The following RASEF variants were observed in gnomAD, a reference collection of about 807,000 sequenced individuals.
RASEF encodes ras and EF-hand domain-containing protein.
In RASEF, 68 loss-of-function variants were observed where a neutral mutation model predicts 90.1. That is an observed-to-expected ratio of 0.75 (90% CI 0.62 to 0.92). The LOEUF (loss-of-function observed/expected upper bound fraction) is 0.92. Ranked by LOEUF, RASEF falls within the 40% of genes least tolerant of loss-of-function variation. The pLI is 0.00. For synonymous variants in RASEF, 331 were observed against 345.2 expected (o/e 0.96, Z 0.46); for missense variants, 949 against 937.2 (o/e 1.01, Z -0.16).
the RASEF span, among the ~76,000 whole-genome samples, chr9:83,137,358 T>C: frequency 6.6e-6 from 1 of 152,126 alleles, no homozygotes; most frequent in Non-Finnish European, 1.5e-5. Context: ...ATGAATAAGA[T>C]AGTAAGTATG....
the RASEF span, among the ~76,000 whole-genome samples, chr9:83,138,216 C>A: frequency 6.6e-6 from 1 of 152,034 alleles, no homozygotes; most frequent in African/African-American, 2.4e-5. Context: ...TTTCAGATGG[C>A]ACTGTTACTG....
intron 1 of RASEF, among the ~76,000 whole-genome samples, chr9:83,038,537 T>C (rs1829783872): frequency 6.6e-6 from 1 of 152,180 alleles, no homozygotes. Context: ...GTACCACTAA[T>C]TCTGGCATTA....
intron 12 of RASEF, among the ~76,000 whole-genome samples, chr9:82,999,156 G>GA: frequency 6.6e-6 from 1 of 151,970 alleles, no homozygotes; most frequent in East Asian, 2.0e-4. Flanking sequence ...GAACTCTTTA[G>GA]ACGAAGAAGA....
At chr9:83,094,914 A>G in the RASEF span, among the ~76,000 whole-genome samples, 6 of 152,194 alleles carry the variant, frequency 3.9e-5, no homozygotes, top group Admixed American at 3.3e-4. Context: ...ACTTTACTCA[A>G]TAATAATTAA....
chr9:83,017,003 T>C (rs996678362), intron 3 of RASEF, among the ~76,000 whole-genome samples: 5 of 152,202 alleles, frequency 3.3e-5, no homozygotes, highest in Admixed American at 2.0e-4. Context: ...AAAGGGGCTA[T>C]CTTGACTTCA....
chr9:83,165,840 T>C, the RASEF span, among the ~76,000 whole-genome samples: 5 of 152,060 alleles, frequency 3.3e-5, no homozygotes, highest in African/African-American at 1.2e-4. Flanking sequence ...ACAGGTTGCA[T>C]AGACATTAAA....
At chr9:83,112,487 C>G in the RASEF span, among the ~76,000 whole-genome samples, 2 of 152,094 alleles carry the variant, frequency 1.3e-5, no homozygotes, top group Non-Finnish European at 2.9e-5. Context: ...GAGTTCGAGA[C>G]CAGCCTGACC....
chr9:83,218,837 G>A, the RASEF span, among the ~76,000 whole-genome samples: 24,669 of 152,010 alleles, frequency 0.16, 2,357 homozygotes, highest in Admixed American at 0.23. Flanking sequence ...GAAAGTCGAC[G>A]GTCTGGGAAC....
chr9:83,204,484 G>C, the RASEF span, among the ~76,000 whole-genome samples: 1,610 of 152,264 alleles, frequency 0.011, 98 homozygotes, highest in Admixed American at 0.089. Context: ...GATTTCTATT[G>C]CTAAACTCAT....
chr9:83,108,073 G>A, the RASEF span, among the ~76,000 whole-genome samples: 3 of 152,122 alleles, frequency 2.0e-5, no homozygotes, highest in Non-Finnish European at 2.9e-5. Flanking sequence ...ACTTCCAGGG[G>A]TGGAGGGCAG....
At chr9:83,134,300 A>C in the RASEF span, among the ~76,000 whole-genome samples, 1 of 151,946 alleles carries the variant, frequency 6.6e-6, no homozygotes, top group Non-Finnish European at 1.5e-5. Context: ...AATCCTGTGA[A>C]GAACACTTAG....
At chr9:83,031,630 G>A (rs971681252) in intron 1 of RASEF, among the ~76,000 whole-genome samples, 2 of 151,918 alleles carry the variant, frequency 1.3e-5, no homozygotes, top group African/African-American at 4.8e-5. Flanking sequence ...AGTTTTCAGG[G>A]GTCTTAAGTA....
At chr9:83,197,432 C>A in the RASEF span, among the ~76,000 whole-genome samples, 1 of 152,066 alleles carries the variant, frequency 6.6e-6, no homozygotes, top group Non-Finnish European at 1.5e-5. Flanking sequence ...TGCTTTAGAC[C>A]CTGGGGATAC....
At chr9:83,108,942 A>G in the RASEF span, among the ~76,000 whole-genome samples, 1 of 152,196 alleles carries the variant, frequency 6.6e-6, no homozygotes, top group Non-Finnish European at 1.5e-5. Context: ...GTAGTCTAGT[A>G]CCAAGATAAA....
At chr9:83,000,717 A>C in intron 10 of RASEF, 147 bp from the exon 11 acceptor site, 1 of 911,406 alleles carries the variant, frequency 1.1e-6, no homozygotes, top group Non-Finnish European at 1.6e-6. Context: ...GAATAGAGTG[A>C]CACTGAATGG....
chr9:83,162,341 C>T, the RASEF span, among the ~76,000 whole-genome samples: 7 of 152,114 alleles, frequency 4.6e-5, no homozygotes, highest in African/African-American at 1.7e-4. Context: ...AAATTACATT[C>T]TTCAGAAAAC....
chr9:82,998,671 T>C (rs920176101), intron 12 of RASEF, among the ~76,000 whole-genome samples: 4 of 152,056 alleles, frequency 2.6e-5, no homozygotes, highest in African/African-American at 9.7e-5. Flanking sequence ...GGGGAATGAT[T>C]TAATTTATGA....
At chr9:83,179,071 A>G in the RASEF span, among the ~76,000 whole-genome samples, 1 of 152,172 alleles carries the variant, frequency 6.6e-6, no homozygotes, top group African/African-American at 2.4e-5. Flanking sequence ...TGACATAACA[A>G]CCATGATCAT....
chr9:83,073,781 T>C, the RASEF span, among the ~76,000 whole-genome samples: 3 of 152,242 alleles, frequency 2.0e-5, no homozygotes, highest in Non-Finnish European at 4.4e-5. Context: ...GATTACAATA[T>C]GCCAATTAGT....
Sources: gnomAD v4.1 joint callset for allele counts (sites outside exome capture counted in the v4.1 genomes callset) on GRCh38, gnomAD v4.1.1 for gene constraint, MANE v1.5 for transcripts, NCBI Gene and HGNC (gene_info 2026-07-23, HGNC 2026-07-21) for gene names.